The following USH2A variants were observed in gnomAD, a reference collection of about 807,000 sequenced individuals.
The protein encoded by USH2A is usherin.
In USH2A, 443 loss-of-function variants were observed where a neutral mutation model predicts 538.9. The observed-to-expected ratio is 0.82, with a 90% CI of 0.76 to 0.89. USH2A has a LOEUF of 0.89. USH2A is among the 40% of genes least tolerant of loss of function. USH2A has a pLI of 0.00. For missense variants in USH2A, 6,633 were observed against 6,324.8 expected, an observed-to-expected ratio of 1.05 and a Z score of -1.65; for synonymous variants, 2,413 against 2,273.5, an observed-to-expected ratio of 1.06 and a Z score of -1.75.
intron 21 of USH2A, among the ~76,000 whole-genome samples, chr1:216,128,476 C>G (rs1172054301): frequency 1.3e-5 from 2 of 152,012 alleles, no homozygotes; most frequent in Non-Finnish European, 2.9e-5. Flanking sequence ...CATATGATTA[C>G]CCTGAGCAAA....
intron 60 of USH2A, among the ~76,000 whole-genome samples, chr1:215,733,954 C>T (rs967140251): frequency 6.6e-6 from 1 of 152,172 alleles, no homozygotes; most frequent in African/African-American, 2.4e-5. Context: ...AGAGAAGTGG[C>T]CCCCTTCCCA....
intron 13 of USH2A, among the ~76,000 whole-genome samples, chr1:216,234,825 A>C (rs2102527005): frequency 6.6e-6 from 1 of 152,196 alleles, no homozygotes; most frequent in Non-Finnish European, 1.5e-5. Context: ...GGGTAGTCCA[A>C]GTTTTGGGGA....
chr1:215,876,505 GGGC>G (rs1664779020), intron 43 of USH2A, among the ~76,000 whole-genome samples: 1 of 152,156 alleles, frequency 6.6e-6, no homozygotes, highest in African/African-American at 2.4e-5. Flanking sequence ...TTCAGGTGTA[GGGC>G]ACTATGTGCT....
intron 48 of USH2A, 132 bp from the exon 49 acceptor site, chr1:215,814,036 G>A (rs1304878231): frequency 9.6e-7 from 1 of 1,043,934 alleles, no homozygotes; most frequent in East Asian, 2.7e-5. Flanking sequence ...TATTTCGTTG[G>A]TTTAAAAATG....
At chr1:215,804,945 T>C (rs182591113) in intron 49 of USH2A, among the ~76,000 whole-genome samples, 2,618 of 152,260 alleles carry the variant, frequency 0.017, 24 homozygotes, top group Non-Finnish European at 0.029. Context: ...CATGGAATAC[T>C]ATGCAGCCAT....
intron 11 of USH2A, among the ~76,000 whole-genome samples, chr1:216,286,571 A>G (rs2036889688): frequency 6.6e-6 from 1 of 151,950 alleles, no homozygotes; most frequent in African/African-American, 2.4e-5. Context: ...AAAAAAGAAA[A>G]AAATTAGCCA....
chr1:216,231,924 T>C (rs762882666), intron 14 of USH2A, 29 bp downstream of exon 14: 8 of 1,613,522 alleles, frequency 5.0e-6, no homozygotes, highest in Non-Finnish European at 6.8e-6. Flanking sequence ...AAAGAAAGAG[T>C]TAAATTATTA....
intron 11 of USH2A, among the ~76,000 whole-genome samples, chr1:216,254,010 T>A (rs2036212798): frequency 6.6e-6 from 1 of 152,120 alleles, no homozygotes. Context: ...CACAGACATC[T>A]CAAAAGTGTA....
At chr1:215,782,643 G>T in intron 53 of USH2A, 95 bp downstream of exon 53, 2 of 1,285,106 alleles carry the variant, frequency 1.6e-6, no homozygotes, top group Non-Finnish European at 2.2e-6. Flanking sequence ...CTAGTGGTTA[G>T]ATGCATAGGG....
chr1:215,700,416 G>A (rs528381098), intron 61 of USH2A, among the ~76,000 whole-genome samples: 3 of 152,068 alleles, frequency 2.0e-5, no homozygotes, highest in Non-Finnish European at 4.4e-5. Context: ...GGTAGAATTC[G>A]GCTGTGAATC....
At chr1:216,049,460 A>T (rs928441412) in intron 30 of USH2A, among the ~76,000 whole-genome samples, 8 of 152,178 alleles carry the variant, frequency 5.3e-5, no homozygotes, top group African/African-American at 1.9e-4. Context: ...ATTAAAAAAA[A>T]TCCAAAATAT....
At position 215,782,799 on chromosome 1, in the gene USH2A, G is replaced by T. The variant is rs397517967; in HGVS notation, c.10524C>A (p.Thr3508=). 2 of 1,613,642 alleles carry T rather than the reference G, an allele frequency of 1.2e-6. No homozygotes were observed. The highest frequency in any genetic ancestry group is 2.7e-5 in the African/African-American group (2 of 74,832). The change falls in exon 53 of 72, where the codon ACC becomes ACA. Residue 3508 remains threonine (T), a synonymous_variant. Transcript: ENST00000307340. Reference sequence around the variant, plus strand: ...TTGTATCTTCAAGATTGTCTATTTTGGTCCACGTAGGGGGACTCACTCCTT... The same window carrying T: ...TTGTATCTTCAAGATTGTCTATTTTTGTCCACGTAGGGGGACTCACTCCTT... The part of the protein sequence containing the change: ...VPQGVSPPTW[T]KIDNLEDTIV...
intron 21 of USH2A, among the ~76,000 whole-genome samples, chr1:216,128,968 T>G (rs1481668293): frequency 6.6e-6 from 1 of 151,984 alleles, no homozygotes; most frequent in Non-Finnish European, 1.5e-5. Context: ...ATGAGATCAA[T>G]TTTTTTAGTT....
chr1:216,035,279 A>G (rs1175054294), intron 32 of USH2A, among the ~76,000 whole-genome samples: 6 of 152,168 alleles, frequency 3.9e-5, no homozygotes, highest in Admixed American at 6.5e-5. Flanking sequence ...CCCAAATCCA[A>G]TATGACTAGT....
Position 216,292,238 on chromosome 1 carries a change from A to T in USH2A, c.1777T>A (p.Phe593Ile). ...SCHYNISVDP[F>I]PFEHFRGGGG... ...CCCCCTCTGAAGTGCTCAAAAGGAA[A>T]TGGGTCTACAGAGATGTTGTAATGG... The change falls in exon 10 of 72, where the codon TTT (phenylalanine) becomes ATT (isoleucine). Residue 593 changes from phenylalanine to isoleucine, a missense_variant. By Grantham distance (21) the Phe-to-Ile change is conservative. Coordinates refer to ENST00000307340, the MANE Select transcript of USH2A (RefSeq NM_206933.4). The T allele has an allele frequency of 6.2e-7, 1 of 1,614,106 alleles. No homozygotes were observed. The highest frequency in any genetic ancestry group is 8.5e-7 in the Non-Finnish European group (1 of 1,179,968).
intron 4 of USH2A, among the ~76,000 whole-genome samples, chr1:216,332,415 T>C (rs2037884692): frequency 6.6e-6 from 1 of 152,130 alleles, no homozygotes; most frequent in Non-Finnish European, 1.5e-5. Context: ...AAACATCATG[T>C]CCATAAACGC....
At chr1:216,230,097 T>C (rs1356550255) in intron 14 of USH2A, among the ~76,000 whole-genome samples, 2 of 152,128 alleles carry the variant, frequency 1.3e-5, no homozygotes, top group Admixed American at 6.5e-5. Context: ...AAAATGGCAC[T>C]GATGGGAATG....
chr1:215,978,011 T>C (rs991571622), intron 35 of USH2A, among the ~76,000 whole-genome samples: 3 of 152,118 alleles, frequency 2.0e-5, no homozygotes, highest in African/African-American at 4.8e-5. Flanking sequence ...CCTGTGGTCC[T>C]GGCTATTTGA....
chr1:216,358,518 T>C (rs915314728), intron 4 of USH2A, among the ~76,000 whole-genome samples: 2 of 152,130 alleles, frequency 1.3e-5, no homozygotes, highest in African/African-American at 4.8e-5. Flanking sequence ...TGATTTATAA[T>C]AAGTCCATAG....
Sources: allele counts gnomAD v4.1 joint callset (sites outside exome capture counted in the v4.1 genomes callset), GRCh38; gene constraint gnomAD v4.1.1; transcripts MANE v1.5; gene names NCBI Gene and HGNC (gene_info 2026-07-23, HGNC 2026-07-21).